Variants in OR2L13 observed in about 807,000 individuals in gnomAD.
OR2L13 encodes the protein olfactory receptor 2L13.
Under a neutral mutation model 15.3 loss-of-function variants are expected in OR2L13, and 14 were observed. That is an observed-to-expected ratio of 0.91 (90% CI 0.60 to 1.43). The LOEUF (loss-of-function observed/expected upper bound fraction) is 1.43. Among genes scored for constraint, OR2L13 ranks in the 40% most tolerant of loss-of-function variants. OR2L13 has a pLI of 0.00. For missense variants in OR2L13, 367 were observed against 387.9 expected (o/e 0.95, Z 0.45); for synonymous variants, 152 against 142.9 (o/e 1.06, Z -0.45).
At chr1:247,968,354 T>C in the OR2L13 span, among the ~76,000 whole-genome samples, 1 of 152,170 alleles carries the variant, frequency 6.6e-6, no homozygotes, top group Non-Finnish European at 1.5e-5. Context: ...TATTTATTTT[T>C]TTTAGTATAC....
the OR2L13 span, among the ~76,000 whole-genome samples, chr1:248,006,717 G>A: frequency 6.6e-6 from 1 of 152,086 alleles, no homozygotes; most frequent in Non-Finnish European, 1.5e-5. Context: ...ACCCTCTTGA[G>A]TAAGATTTGT....
At chr1:247,942,879 C>T in the OR2L13 span, among the ~76,000 whole-genome samples, 2 of 152,116 alleles carry the variant, frequency 1.3e-5, no homozygotes, top group African/African-American at 4.8e-5. Flanking sequence ...TACTCTCCTT[C>T]TCTCCCTTCT....
At chr1:247,973,416 C>G in the OR2L13 span, among the ~76,000 whole-genome samples, 1 of 152,152 alleles carries the variant, frequency 6.6e-6, no homozygotes, top group African/African-American at 2.4e-5. Context: ...AGCTGATAAG[C>G]AACTTCAGCA....
the OR2L13 span, among the ~76,000 whole-genome samples, chr1:247,966,605 CAGAG>C: frequency 2.6e-5 from 4 of 152,146 alleles, no homozygotes; most frequent in South Asian, 6.2e-4. Flanking sequence ...CCAAAGTTAA[CAGAG>C]AGAAAAATGC....
chr1:247,949,238 T>C, the OR2L13 span: 1 of 1,614,192 alleles, frequency 6.2e-7, no homozygotes, highest in Non-Finnish European at 8.5e-7. Context: ...CTATTTGCTT[T>C]CCTCTCCACT....
At chr1:248,022,232 G>A in the OR2L13 span, 34 of 1,614,014 alleles carry the variant, frequency 2.1e-5, no homozygotes, top group African/African-American at 4.0e-5. Context: ...CCTTCATTGG[G>A]TGTGGGATTC....
chr1:247,973,386 C>CT, the OR2L13 span, among the ~76,000 whole-genome samples: 1 of 152,148 alleles, frequency 6.6e-6, no homozygotes, highest in Non-Finnish European at 1.5e-5. Flanking sequence ...TCCCCATCAT[C>CT]TCCACCCAAA....
the OR2L13 span, among the ~76,000 whole-genome samples, chr1:248,073,222 AACCC>A: frequency 1.3e-5 from 2 of 152,038 alleles, no homozygotes; most frequent in Admixed American, 1.3e-4. Context: ...ACTTGCAACC[AACCC>A]AAATGTCCAA....
At position 248,098,179 on chromosome 1, in the gene OR2L13, C is replaced by T. The variant is rs6695938; in HGVS notation, c.-143-472C>T. On this transcript the variant is annotated intron_variant, in intron 1 of 2. Coordinates refer to ENST00000641714, the Ensembl canonical transcript of OR2L13. ...CTATAGAATCGTAATCACTACATAA[C>T]ATCACTGTATGTTTGAGTTTGTTGG... is the stretch of plus-strand genomic sequence containing the variant. 1.1e-3 allele frequency among the ~76,000 whole-genome samples: 167 copies of T among 152,278 alleles called. 1 individual carries two copies. Among genetic ancestry groups the T allele is most frequent in the African/African-American group, 3.8e-3 (157 of 41,552 alleles).
At chr1:248,060,591 G>A in the OR2L13 span, 1 of 965,368 alleles carries the variant, frequency 1.0e-6, no homozygotes, top group Non-Finnish European at 1.6e-6. Context: ...TTTACTGAGG[G>A]GCTTCAAATG....
chr1:248,062,394 G>T, the OR2L13 span: 1 of 152,128 alleles, frequency 6.6e-6, no homozygotes, highest in Non-Finnish European at 1.5e-5. Context: ...ATCCAGTTTT[G>T]CCAGCACCTT....
chr1:247,993,760 GGGGAGAGAGAGAGAGAGAGA>G, the OR2L13 span, among the ~76,000 whole-genome samples: 35 of 53,764 alleles, frequency 6.5e-4, 4 homozygotes, highest in Middle Eastern at 0.014. Context: ...ACAGAGAGAG[GGGGAGAGAGAGAGAGAGAGA>G]GAGAGAGAGA....
At chr1:248,099,442 G>A in exon 3 of OR2L13, 2 of 1,613,722 alleles carry the variant, frequency 1.2e-6, no homozygotes, top group Non-Finnish European at 1.7e-6. Context: ...AAATCAAACT[G>A]GAATATTTCT....
At chr1:248,009,819 C>T in the OR2L13 span, among the ~76,000 whole-genome samples, 3 of 152,070 alleles carry the variant, frequency 2.0e-5, no homozygotes, top group African/African-American at 4.8e-5. Flanking sequence ...TTATCCACCA[C>T]CATCAAGTTG....
At chr1:248,099,714 C>T (rs1410495391) in exon 3 of OR2L13, 3 of 1,614,008 alleles carry the variant, frequency 1.9e-6, no homozygotes, top group African/African-American at 1.3e-5. Context: ...AAGGCTTACT[C>T]CTGACCTCCA....
At chr1:248,008,464 C>G in the OR2L13 span, among the ~76,000 whole-genome samples, 1 of 151,890 alleles carries the variant, frequency 6.6e-6, no homozygotes, top group South Asian at 2.1e-4. Flanking sequence ...CAATTTGTTT[C>G]CTAGACCTGG....
At chr1:248,078,093 A>G in the OR2L13 span, among the ~76,000 whole-genome samples, 1 of 152,242 alleles carries the variant, frequency 6.6e-6, no homozygotes, top group Non-Finnish European at 1.5e-5. Context: ...GATAAAATAA[A>G]CTACATACGT....
chr1:248,008,115 G>C, the OR2L13 span, among the ~76,000 whole-genome samples: 2 of 152,008 alleles, frequency 1.3e-5, no homozygotes, highest in East Asian at 3.9e-4. Flanking sequence ...ATACTTTTCT[G>C]GTACCCTCCC....
chr1:248,074,676 A>G, the OR2L13 span, among the ~76,000 whole-genome samples: 1 of 152,138 alleles, frequency 6.6e-6, no homozygotes, highest in Non-Finnish European at 1.5e-5. Flanking sequence ...GAAGACTACT[A>G]AAGAGGTTAA....
Sources: gnomAD v4.1 joint callset for allele counts (sites outside exome capture counted in the v4.1 genomes callset) on GRCh38, gnomAD v4.1.1 for gene constraint, MANE v1.5 for transcripts, NCBI Gene and HGNC (gene_info 2026-07-23, HGNC 2026-07-21) for gene names.